Variants in ASIC2 observed in about 807,000 individuals in gnomAD.
ASIC2 encodes acid-sensing ion channel 2.
A neutral mutation model predicts 57.3 loss-of-function variants in ASIC2; 25 were observed. The ratio of observed to expected loss-of-function variants is 0.44; its 90% CI spans 0.32 to 0.61. The LOEUF is 0.61. ASIC2 is among the 20% of genes least tolerant of loss of function. The pLI is 0.06. For missense variants in ASIC2, 641 were observed against 738.1 expected, an observed-to-expected ratio of 0.87 and a Z score of 1.52; for synonymous variants, 319 against 307.5, an observed-to-expected ratio of 1.04 and a Z score of -0.39.
chr17:34,055,355 C>T (rs1567803014), intron 1 of ASIC2, among the ~76,000 whole-genome samples: 1 of 152,200 alleles, frequency 6.6e-6, no homozygotes, highest in Non-Finnish European at 1.5e-5. Flanking sequence ...CCCATTCCTG[C>T]ATCATTTACA....
chr17:33,954,882 T>C (rs985150400), intron 1 of ASIC2: 10 of 152,206 alleles, frequency 6.6e-5, no homozygotes, highest in African/African-American at 1.7e-4. Flanking sequence ...CAAGGGGATA[T>C]GTTCCTTAAG....
chr17:33,564,220 C>G (rs995948725), intron 1 of ASIC2, among the ~76,000 whole-genome samples: 1 of 152,172 alleles, frequency 6.6e-6, no homozygotes, highest in Non-Finnish European at 1.5e-5. Context: ...CGTTTTAAAG[C>G]CTGCATCCCT....
intron 1 of ASIC2, among the ~76,000 whole-genome samples, chr17:34,110,189 C>T (rs895601343): frequency 6.6e-6 from 1 of 152,148 alleles, no homozygotes; most frequent in Non-Finnish European, 1.5e-5. Flanking sequence ...AGAAGAGAGT[C>T]CCCAGTCTTG....
intron 1 of ASIC2, among the ~76,000 whole-genome samples, chr17:34,065,131 G>C (rs1909123514): frequency 6.6e-6 from 1 of 152,160 alleles, no homozygotes. Context: ...CAACCCAAAT[G>C]CCCATCAAAC....
chr17:34,156,205 C>A lies in ASIC2; in HGVS notation c.328G>T (p.Ala110Ser). 10 of 1,614,106 alleles carry A rather than the reference C, an allele frequency of 6.2e-6. No homozygotes were observed. The highest frequency in any genetic ancestry group is 8.5e-6 in the Non-Finnish European group (10 of 1,180,012). ...TCCAGCAGGGCCAGCAGCTCCCCAG[C>A]ATGGTACAGGTCATTGGTGGTGAGC... Residue 110 changes from alanine to serine, a missense_variant, in exon 1 of 10, where the codon GCT becomes TCT. Ala to Ser is a moderately conservative substitution (Grantham distance 99). Coordinates refer to the ASIC2 transcript ENST00000359872. The surrounding 1 kb of genome is among the most constrained non-coding windows in gnomAD (Gnocchi z 4.4).
intron 1 of ASIC2, among the ~76,000 whole-genome samples, chr17:33,178,608 G>T (rs1905854630): frequency 6.6e-6 from 1 of 152,174 alleles, no homozygotes; most frequent in African/African-American, 2.4e-5. Flanking sequence ...GAAGATGGGG[G>T]TGGGCACCCA....
intron 1 of ASIC2, among the ~76,000 whole-genome samples, chr17:33,810,123 G>A (rs567815744): frequency 6.6e-6 from 1 of 152,302 alleles, no homozygotes; most frequent in East Asian, 1.9e-4. Context: ...TACAATCCAG[G>A]TTGTGAAATA....
At chr17:33,241,091 C>T (rs914821294) in intron 1 of ASIC2, among the ~76,000 whole-genome samples, 34 of 152,200 alleles carry the variant, frequency 2.2e-4, no homozygotes, top group African/African-American at 7.2e-5. Flanking sequence ...ATGAAAGCAG[C>T]GTTCATGGTC....
intron 3 of ASIC2, among the ~76,000 whole-genome samples, chr17:33,060,987 C>A (rs889251714): frequency 6.6e-6 from 1 of 152,148 alleles, no homozygotes; most frequent in African/African-American, 2.4e-5. Flanking sequence ...TATAAGAATG[C>A]TTGTAATTTT....
chr17:34,023,862 G>A (rs778529705), intron 1 of ASIC2, among the ~76,000 whole-genome samples: 1 of 152,162 alleles, frequency 6.6e-6, no homozygotes, highest in African/African-American at 2.4e-5. Flanking sequence ...TTCTTTACTG[G>A]GTAAATGTGG....
intron 1 of ASIC2, among the ~76,000 whole-genome samples, chr17:33,403,097 A>T (rs1910340128): frequency 6.6e-6 from 1 of 152,126 alleles, no homozygotes; most frequent in Admixed American, 6.5e-5. Flanking sequence ...TCTACCATAA[A>T]CATATGCTCA....
At chr17:33,957,029 G>T (rs1391421008) in intron 1 of ASIC2, among the ~76,000 whole-genome samples, 5 of 152,202 alleles carry the variant, frequency 3.3e-5, no homozygotes, top group Non-Finnish European at 7.3e-5. Context: ...GAATAATGGG[G>T]ATTTATTGTC....
intron 1 of ASIC2, among the ~76,000 whole-genome samples, chr17:33,799,203 A>T (rs1240136642): frequency 1.3e-5 from 2 of 150,940 alleles, no homozygotes; most frequent in African/African-American, 2.4e-5. Flanking sequence ...ATATTTGTGT[A>T]ATCAGTTCCT....
At chr17:33,190,577 G>C (rs1469003639) in intron 1 of ASIC2, among the ~76,000 whole-genome samples, 3 of 152,098 alleles carry the variant, frequency 2.0e-5, no homozygotes, top group Admixed American at 1.3e-4. Flanking sequence ...ACCTAGAATA[G>C]TCAATTTTGA....
At chr17:34,099,870 G>A (rs1467278302) in intron 1 of ASIC2, among the ~76,000 whole-genome samples, 1 of 152,222 alleles carries the variant, frequency 6.6e-6, no homozygotes, top group East Asian at 1.9e-4. Flanking sequence ...AACACTGGAA[G>A]GTAGAATACA....
intron 1 of ASIC2, among the ~76,000 whole-genome samples, chr17:33,338,196 T>C (rs566786467): frequency 4.7e-4 from 72 of 151,846 alleles, no homozygotes; most frequent in African/African-American, 1.6e-3. Context: ...TTCTGAGGTG[T>C]TCTGGAAGGG....
intron 1 of ASIC2, among the ~76,000 whole-genome samples, chr17:33,832,102 T>C (rs1913131582): frequency 6.6e-6 from 1 of 152,212 alleles, no homozygotes; most frequent in African/African-American, 2.4e-5. Flanking sequence ...CCTCAACTGC[T>C]CTACCAATAC....
At chr17:33,278,196 T>A (rs1904783423) in intron 1 of ASIC2, among the ~76,000 whole-genome samples, 2 of 144,094 alleles carry the variant, frequency 1.4e-5, no homozygotes, top group South Asian at 4.7e-4. Context: ...GATGCCCTTA[T>A]TCATTTTTTT....
chr17:33,129,468 G>A (rs2092336721), intron 1 of ASIC2, among the ~76,000 whole-genome samples: 1 of 152,230 alleles, frequency 6.6e-6, no homozygotes, highest in South Asian at 2.1e-4. Context: ...ATTCTTTCTT[G>A]TACTGCCATG....
Sources: gnomAD v4.1 joint callset for allele counts (sites outside exome capture counted in the v4.1 genomes callset) on GRCh38, gnomAD v4.1.1 for gene constraint, Gnocchi (gnomAD v3.1) non-coding constraint, MANE v1.5 for transcripts, NCBI Gene and HGNC (gene_info 2026-07-23, HGNC 2026-07-21) for gene names.